The following AKAP6 variants were observed in gnomAD, a reference collection of about 807,000 sequenced individuals.
AKAP6 encodes the protein A-kinase anchor protein 6.
Under a neutral mutation model 188.5 loss-of-function variants are expected in AKAP6, and 58 were observed. The ratio of observed to expected loss-of-function variants is 0.31; its 90% CI spans 0.25 to 0.38. The LOEUF (loss-of-function observed/expected upper bound fraction) is 0.38. Among genes scored for constraint, AKAP6 ranks in the 10% least tolerant of loss-of-function variants. The pLI is 1.00. For missense variants in AKAP6, 2,710 were observed against 2,740.0 expected, an observed-to-expected ratio of 0.99 and a Z score of 0.24; for synonymous variants, 989 against 998.6, an observed-to-expected ratio of 0.99 and a Z score of 0.18.
chr14:32,634,898 AT>A (rs958306048), intron 7 of AKAP6, among the ~76,000 whole-genome samples: 1 of 151,492 alleles, frequency 6.6e-6, no homozygotes, highest in Non-Finnish European at 1.5e-5. Context: ...TTAATTTTTA[AT>A]TTTTTTATTT....
intron 7 of AKAP6, among the ~76,000 whole-genome samples, chr14:32,675,076 G>A (rs8004458): frequency 0.25 from 37,766 of 152,006 alleles, 5,996 homozygotes; most frequent in East Asian, 0.58. Context: ...AATGGCAACC[G>A]TTGCCTGTAG....
intron 2 of AKAP6, among the ~76,000 whole-genome samples, chr14:32,494,581 A>G (rs2145585): frequency 0.66 from 100,809 of 151,988 alleles, 35,077 homozygotes; most frequent in East Asian, 0.9. Context: ...AGTTTTCTCT[A>G]TGAAGGGAAT....
intron 1 of AKAP6, among the ~76,000 whole-genome samples, chr14:32,428,971 G>A (rs1890128064): frequency 6.6e-6 from 1 of 152,182 alleles, no homozygotes; most frequent in Non-Finnish European, 1.5e-5. Flanking sequence ...GGATTTGATG[G>A]ATGTTATTTT....
chr14:32,692,690 T>A (rs977304133), intron 8 of AKAP6, among the ~76,000 whole-genome samples: 1 of 152,206 alleles, frequency 6.6e-6, no homozygotes, highest in Non-Finnish European at 1.5e-5. Context: ...TCTAGATTCA[T>A]TTATCATCAT....
rs1351282400 is a variant in AKAP6, at chr14:32,599,496, T to C, written c.2556T>C (p.Ser852=). 6.2e-7 allele frequency: 1 copy of C among 1,612,922 alleles called. No individual in the cohort carries two copies. The highest frequency in any genetic ancestry group is 8.5e-7 in the Non-Finnish European group (1 of 1,179,274). The change falls in exon 6 of 14, where the codon TCT becomes TCC. Residue 852 remains serine (S), a synonymous_variant. Coordinates refer to ENST00000280979, the MANE Select transcript of AKAP6 (RefSeq NM_004274.5). ...ACCAACTTCTTGAGCTTATTGCATC[T>C]CACAAAGCAGGTAAATCCTCCTGAA... The part of the protein sequence containing the change: ...EGHQLLELIA[S]HKAGLKDMLR...
intron 9 of AKAP6, among the ~76,000 whole-genome samples, chr14:32,718,080 A>G (rs1319517276): frequency 6.6e-6 from 1 of 152,150 alleles, no homozygotes; most frequent in Non-Finnish European, 1.5e-5. Flanking sequence ...ATGTATTTTC[A>G]AGAGCAGTAG....
intron 7 of AKAP6, among the ~76,000 whole-genome samples, chr14:32,643,330 C>T (rs1020451132): frequency 1.1e-4 from 16 of 151,062 alleles, no homozygotes; most frequent in East Asian, 3.9e-4. Context: ...TTTTTTTAGA[C>T]GGAGTCTCAC....
chr14:32,601,173 G>A (rs1427395113), intron 7 of AKAP6, among the ~76,000 whole-genome samples: 3 of 152,170 alleles, frequency 2.0e-5, no homozygotes, highest in Non-Finnish European at 4.4e-5. Flanking sequence ...ACTCAGCTCT[G>A]ACATCCATTA....
At chr14:32,677,074 C>T (rs1289656702) in intron 7 of AKAP6, among the ~76,000 whole-genome samples, 4 of 152,248 alleles carry the variant, frequency 2.6e-5, no homozygotes, top group Non-Finnish European at 2.9e-5. Flanking sequence ...GATCCACCCA[C>T]CTCAGCCTCC....
intron 12 of AKAP6, among the ~76,000 whole-genome samples, chr14:32,792,174 T>C (rs2033631420): frequency 6.6e-6 from 1 of 152,220 alleles, no homozygotes; most frequent in African/African-American, 2.4e-5. Context: ...AGTGGTAGCT[T>C]CATGGGAATA....
chr14:32,430,537 T>C (rs922917023), intron 1 of AKAP6, among the ~76,000 whole-genome samples: 1 of 152,128 alleles, frequency 6.6e-6, no homozygotes, highest in Non-Finnish European at 1.5e-5. Flanking sequence ...GTGCAGGGCT[T>C]TGGGGCAGGG....
chr14:32,745,751 C>T (rs1257483544), intron 11 of AKAP6, among the ~76,000 whole-genome samples: 2 of 152,186 alleles, frequency 1.3e-5, no homozygotes, highest in Non-Finnish European at 2.9e-5. Context: ...TGCTTCCCTT[C>T]AGGGCAGCAA....
chr14:32,795,168 G>C (rs370022958), intron 12 of AKAP6, among the ~76,000 whole-genome samples: 38 of 152,172 alleles, frequency 2.5e-4, no homozygotes, highest in African/African-American at 9.2e-4. Context: ...AAAAAGCCCA[G>C]GACCATTTGG....
intron 1 of AKAP6, among the ~76,000 whole-genome samples, chr14:32,387,669 A>G (rs774762088): frequency 1.3e-5 from 2 of 151,758 alleles, no homozygotes; most frequent in Non-Finnish European, 2.9e-5. Context: ...ATGTTAAACC[A>G]TCCCTGCATC....
intron 2 of AKAP6, among the ~76,000 whole-genome samples, chr14:32,458,861 T>C (rs1283303984): frequency 1.3e-5 from 2 of 152,060 alleles, no homozygotes; most frequent in African/African-American, 2.4e-5. Flanking sequence ...ATTTCAGGAA[T>C]GAAGACTATG....
intron 1 of AKAP6, among the ~76,000 whole-genome samples, chr14:32,352,518 CTG>C (rs1887323477): frequency 6.6e-6 from 1 of 152,048 alleles, no homozygotes; most frequent in African/African-American, 2.4e-5. Context: ...TTTTATGTAA[CTG>C]TGATTTTATA....
At chr14:32,555,548 T>C (rs1883649867) in intron 4 of AKAP6, among the ~76,000 whole-genome samples, 1 of 152,194 alleles carries the variant, frequency 6.6e-6, no homozygotes, top group East Asian at 1.9e-4. Context: ...CTCCAGAACG[T>C]TTTCATCTTG....
intron 1 of AKAP6, among the ~76,000 whole-genome samples, chr14:32,375,349 T>C (rs1888126231): frequency 6.6e-6 from 1 of 152,218 alleles, no homozygotes; most frequent in Admixed American, 6.5e-5. Context: ...AAGCTCAAAG[T>C]ACCTGTAGGA....
At chr14:32,492,019 A>G (rs1245966927) in intron 2 of AKAP6, among the ~76,000 whole-genome samples, 1 of 152,114 alleles carries the variant, frequency 6.6e-6, no homozygotes, top group African/African-American at 2.4e-5. Flanking sequence ...TGTGAGGGTT[A>G]TCTTATTATC....
Sources: allele counts gnomAD v4.1 joint callset (sites outside exome capture counted in the v4.1 genomes callset), GRCh38; gene constraint gnomAD v4.1.1; transcripts MANE v1.5; gene names NCBI Gene and HGNC (gene_info 2026-07-23, HGNC 2026-07-21).